The following NAV2 variants were observed in gnomAD, a reference collection of about 807,000 sequenced individuals.
NAV2 encodes the protein neuron navigator 2.
In NAV2, 54 loss-of-function variants were observed where a neutral mutation model predicts 223.2. The observed-to-expected ratio is 0.24, with a 90% CI of 0.19 to 0.30. The LOEUF is 0.30. NAV2 is among the 10% of genes least tolerant of loss of function. NAV2 has a pLI of 1.00. For synonymous variants in NAV2, 1,279 were observed against 1,239.3 expected (o/e 1.03, Z -0.67); for missense variants, 2,806 against 3,147.5 (o/e 0.89, Z 2.60).
rs559719249 is a variant in NAV2, at chr11:19,990,525, CT to C, written c.2768+6279del. ...AAGGGCACCCTAAAATACCTTCCCC[CT>C]CCCCCCATTACCTCCCCTCTCTACT... On this transcript the variant is annotated intron_variant, in intron 11 of 37. Transcript: ENST00000349880. Among the ~76,000 whole-genome samples the C allele has an allele frequency of 3.3e-5, 5 of 152,196 alleles. No homozygotes were observed. The East Asian group carries it at 9.7e-4, about 30-fold the overall frequency.
intron 11 of NAV2, among the ~76,000 whole-genome samples, chr11:19,990,473 C>T (rs1053293594): frequency 6.6e-6 from 1 of 152,158 alleles, no homozygotes; most frequent in African/African-American, 2.4e-5. Context: ...TCTGTAGGGC[C>T]TCCAGAGGCT....
intron 1 of NAV2, among the ~76,000 whole-genome samples, chr11:19,497,639 T>G (rs2042839045): frequency 6.6e-6 from 1 of 152,176 alleles, no homozygotes; most frequent in Non-Finnish European, 1.5e-5. Flanking sequence ...GGTTCTGAGC[T>G]TTCAGGAATC....
intron 10 of NAV2, among the ~76,000 whole-genome samples, chr11:19,970,373 T>C (rs1384833992): frequency 2.0e-5 from 3 of 152,248 alleles, no homozygotes; most frequent in Admixed American, 6.5e-5. Context: ...TTCACCATGT[T>C]GGCCAGGCTG....
chr11:20,081,321 G>A (rs77934205), intron 25 of NAV2, among the ~76,000 whole-genome samples: 2,329 of 152,250 alleles, frequency 0.015, 24 homozygotes, highest in Non-Finnish European at 0.02. Context: ...TCTCTAATAT[G>A]CAATCGATAA....
intron 1 of NAV2, among the ~76,000 whole-genome samples, chr11:19,562,487 T>C (rs2045134730): frequency 6.6e-6 from 1 of 152,238 alleles, no homozygotes; most frequent in Non-Finnish European, 1.5e-5. Context: ...TTAATGTTTT[T>C]GACTCTTCAT....
chr11:19,352,792 T>C (rs1853398651), intron 1 of NAV2, among the ~76,000 whole-genome samples: 2 of 152,178 alleles, frequency 1.3e-5, no homozygotes, highest in Admixed American at 1.3e-4. Context: ...AATTAGATTG[T>C]TTTTCCTGAT....
intron 1 of NAV2, among the ~76,000 whole-genome samples, chr11:19,584,321 A>G (rs973315004): frequency 1.3e-5 from 2 of 152,262 alleles, no homozygotes; most frequent in Admixed American, 6.5e-5. Context: ...GATCTTTGCA[A>G]AAAACCAGCT....
At chr11:19,844,767 C>T (rs2060694705) in intron 3 of NAV2, among the ~76,000 whole-genome samples, 2 of 151,488 alleles carry the variant, frequency 1.3e-5, no homozygotes, top group South Asian at 4.2e-4. Context: ...ATAACTCTTT[C>T]AGCCATGCCA....
intron 1 of NAV2, among the ~76,000 whole-genome samples, chr11:19,436,711 A>T (rs933811888): frequency 1.7e-4 from 26 of 152,162 alleles, no homozygotes; most frequent in African/African-American, 6.0e-4. Context: ...TACTTCATGA[A>T]CATAGGTTAG....
intron 1 of NAV2, among the ~76,000 whole-genome samples, chr11:19,435,585 A>G (rs1306671106): frequency 6.6e-6 from 1 of 152,192 alleles, no homozygotes; most frequent in South Asian, 2.1e-4. Context: ...CTTTGAGTAT[A>G]TACCCAGAAG....
chr11:19,886,105 A>G (rs1220231509), intron 5 of NAV2, among the ~76,000 whole-genome samples: 1 of 150,140 alleles, frequency 6.7e-6, no homozygotes, highest in African/African-American at 2.5e-5. Context: ...ATCCTCCCAC[A>G]TAGCTAGGAC....
intron 1 of NAV2, among the ~76,000 whole-genome samples, chr11:19,696,218 G>C (rs1206483523): frequency 6.6e-6 from 1 of 152,166 alleles, no homozygotes; most frequent in Non-Finnish European, 1.5e-5. Context: ...ATTGTGCTAA[G>C]AATAATTTCT....
chr11:20,105,562 G>C lies in NAV2; in HGVS notation c.6676G>C (p.Val2226Leu), dbSNP rs1382185393. ...GCTTTGTGCCAACCACACGGAGCCT[G>C]TGAAGGGTTTCCTTGGCCGATTCCT... Reference protein sequence around the residue: ...WVLCANHTEPVKGFLGRFLRR... With the variant: ...WVLCANHTEPLKGFLGRFLRR... Residue 2226 changes from valine to leucine, a missense_variant, in exon 35 of 38, where the codon GTG becomes CTG. Val to Leu is a conservative substitution (Grantham distance 32, BLOSUM62 1). Coordinates refer to ENST00000349880, the MANE Select transcript of NAV2 (RefSeq NM_145117.5). 6.2e-7 allele frequency: 1 copy of C among 1,613,980 alleles called. No individual in the cohort carries two copies. Among genetic ancestry groups the C allele is most frequent in the African/African-American group, 1.3e-5 (1 of 74,930 alleles).
chr11:19,734,792 C>A (rs1407713108), intron 1 of NAV2, among the ~76,000 whole-genome samples: 2 of 152,174 alleles, frequency 1.3e-5, no homozygotes, highest in East Asian at 1.9e-4. Flanking sequence ...AGTTTCTAGA[C>A]CCAGATTCCC....
chr11:19,437,375 T>G (rs117771849), intron 1 of NAV2, among the ~76,000 whole-genome samples: 4,032 of 152,240 alleles, frequency 0.026, 82 homozygotes, highest in Non-Finnish European at 0.044. Flanking sequence ...CTTTAAATAT[T>G]TATTCCTATC....
rs1197654485 is a variant in NAV2, at chr11:19,778,318, G to A, written c.268-54166G>A. On this transcript the variant is annotated intron_variant, in intron 1 of 37. Coordinates refer to ENST00000349880, the MANE Select transcript of NAV2 (RefSeq NM_145117.5). Reference sequence around the variant, plus strand: ...TGTGGCCAAGTCGGTTAACCCCCTTGGATGTTAGTTTCCTTCTCGGTAAAA... The same window carrying A: ...TGTGGCCAAGTCGGTTAACCCCCTTAGATGTTAGTTTCCTTCTCGGTAAAA... 2.2e-5 allele frequency: 10 copies of A among 455,574 alleles called. No individual in the cohort carries two copies. In the East Asian group the frequency reaches 7.0e-4, roughly 32 times the overall value. 28.2% of individuals were successfully genotyped at this position (455,574 alleles called of 1,614,324 possible). A position where few individuals can be genotyped will look rare whatever the true frequency, so the allele number is the denominator to read the frequency against.
chr11:19,698,814 A>C (rs1435963985), intron 1 of NAV2, among the ~76,000 whole-genome samples: 1 of 150,254 alleles, frequency 6.7e-6, no homozygotes, highest in African/African-American at 2.5e-5. Flanking sequence ...GTGTGTGTGC[A>C]TGTGAGAGAG....
intron 11 of NAV2, among the ~76,000 whole-genome samples, chr11:19,989,734 T>C (rs1049015790): frequency 9.9e-5 from 15 of 152,134 alleles, no homozygotes; most frequent in African/African-American, 3.6e-4. Context: ...GGAGATGTTA[T>C]CCTGGTTTCA....
chr11:19,868,905 T>C lies in NAV2; in HGVS notation c.439-20T>C. 1.2e-6 allele frequency: 2 copies of C among 1,611,568 alleles called. No individual in the cohort carries two copies. The highest frequency in any genetic ancestry group is 1.7e-6 in the Non-Finnish European group (2 of 1,178,098). On this transcript the variant is annotated intron_variant, in intron 3 of 37. Coordinates refer to ENST00000349880, the MANE Select transcript of NAV2 (RefSeq NM_145117.5). The stretch of plus-strand genomic sequence containing the variant: ...AGGCTGAACATTTATTAAGTATATA[T>C]TGTTGTTTTTCCCTCCTAGATTGAA...
Sources: gnomAD v4.1 joint callset for allele counts (sites outside exome capture counted in the v4.1 genomes callset) on GRCh38, gnomAD v4.1.1 for gene constraint, MANE v1.5 for transcripts, NCBI Gene and HGNC (gene_info 2026-07-23, HGNC 2026-07-21) for gene names.